FOXP2: variants seen among roughly 807,000 people sequenced by gnomAD.
FOXP2 encodes forkhead box protein P2.
A neutral mutation model predicts 115.8 loss-of-function variants in FOXP2; 12 were observed. The observed-to-expected ratio is 0.10, with a 90% CI of 0.07 to 0.17. The LOEUF is 0.17. Among genes scored for constraint, FOXP2 ranks in the 10% least tolerant of loss-of-function variants. FOXP2 has a pLI of 1.00. For synonymous variants in FOXP2, 328 were observed against 297.7 expected, an observed-to-expected ratio of 1.10 and a Z score of -1.05; for missense variants, 629 against 843.5, an observed-to-expected ratio of 0.75 and a Z score of 3.15.
At position 114,691,477 on chromosome 7, in the gene FOXP2, C is replaced by T; in HGVS notation, c.*1551C>T. 1 of 453,952 alleles carries T rather than the reference C, an allele frequency of 2.2e-6. No homozygotes were observed. The highest frequency in any genetic ancestry group is 4.4e-6 in the Non-Finnish European group (1 of 226,766). The allele number at this position is 453,952 out of a possible 1,614,324, so 28.1% of individuals were successfully genotyped here. Reference sequence around the variant, plus strand: ...GGATATTAACACTAACAATACACTCCCTTCAAAGACTTGCACAGGCCAAAT... The same window carrying T: ...GGATATTAACACTAACAATACACTCTCTTCAAAGACTTGCACAGGCCAAAT... On this transcript the variant is annotated 3_prime_UTR_variant, in exon 17 of 17. Transcript: ENST00000350908.
chr7:114,628,640 C>T lies in FOXP2; in HGVS notation c.359C>T (p.Ala120Val). 1 of 1,614,054 alleles carries T rather than the reference C, an allele frequency of 6.2e-7. No homozygotes were observed. Among genetic ancestry groups the T allele is most frequent in the Non-Finnish European group, 8.5e-7 (1 of 1,179,976 alleles). Reference protein sequence around the residue: ...QQVLSPQQLQALLQQQQAVML... With the variant: ...QQVLSPQQLQVLLQQQQAVML... ...GTCCTGTCTCCTCAGCAGCTACAAG[C>T]CCTTCTCCAACAACAGCAGGCTGTC... The change falls in exon 4 of 17, where the codon GCC becomes GTC. Residue 120 changes from alanine to valine, a missense_variant. Coordinates refer to ENST00000350908, the MANE Select transcript of FOXP2 (RefSeq NM_014491.4).
chr7:114,177,112 T>G (rs1407170897), intron 1 of FOXP2, among the ~76,000 whole-genome samples: 5 of 152,280 alleles, frequency 3.3e-5, no homozygotes, highest in South Asian at 2.1e-4. Flanking sequence ...ATTTTGGTTG[T>G]TTGTTTTCCT....
At chr7:114,416,504 C>T (rs1350945771) in intron 1 of FOXP2, 3 of 144,478 alleles carry the variant, frequency 2.1e-5, no homozygotes, top group Non-Finnish European at 3.0e-5. Flanking sequence ...TACTAGCCTC[C>T]GCGACCAAAA....
At chr7:114,258,519 G>C (rs962485382) in intron 1 of FOXP2, among the ~76,000 whole-genome samples, 8 of 152,114 alleles carry the variant, frequency 5.3e-5, no homozygotes, top group Non-Finnish European at 1.0e-4. Flanking sequence ...ATGACAGAAT[G>C]AAACAAAGGA....
At chr7:114,316,280 A>T (rs1454160542) in intron 2 of FOXP2, among the ~76,000 whole-genome samples, 2 of 152,224 alleles carry the variant, frequency 1.3e-5, no homozygotes, top group Non-Finnish European at 2.9e-5. Flanking sequence ...CTGTGCATAC[A>T]TGTATAATTA....
intron 3 of FOXP2, among the ~76,000 whole-genome samples, chr7:114,572,721 A>T (rs1456430293): frequency 6.6e-6 from 1 of 151,832 alleles, no homozygotes; most frequent in Non-Finnish European, 1.5e-5. Flanking sequence ...TTTGCTCTTT[A>T]TCTAAAACTA....
chr7:114,570,827 A>G, intron 3 of FOXP2: 12 of 1,611,976 alleles, frequency 7.4e-6, no homozygotes, highest in Non-Finnish European at 1.0e-5. Context: ...CAGAAACAAA[A>G]TTATGTATCT....
Position 114,421,084 on chromosome 7 carries a change from A to G in FOXP2, c.-10-5418A>G, listed in dbSNP as rs140686088. Among the ~76,000 whole-genome samples, 15 of 151,816 alleles carry G rather than the reference A, an allele frequency of 9.9e-5. No homozygotes were observed. In the East Asian group the frequency reaches 2.5e-3, roughly 26 times the overall value. ...TACTTCTGAAGGGGGCTTCTGAACT[A>G]TAGATACAGAATCATAATGTTGCAG... On this transcript the variant is annotated intron_variant, in intron 1 of 16. Transcript: ENST00000350908.
intron 2 of FOXP2, among the ~76,000 whole-genome samples, chr7:114,466,365 G>A (rs923349751): frequency 2.0e-5 from 3 of 152,170 alleles, no homozygotes; most frequent in Admixed American, 2.0e-4. Flanking sequence ...TGGCACAACA[G>A]CATTCCAAGA....
intron 2 of FOXP2, among the ~76,000 whole-genome samples, chr7:114,303,781 C>T (rs578239361): frequency 2.5e-4 from 38 of 152,188 alleles, no homozygotes; most frequent in Middle Eastern, 3.4e-3. Context: ...AACTTTGTGA[C>T]TCATTGTGAT....
chr7:114,126,641 C>A (rs1258649672), intron 1 of FOXP2, among the ~76,000 whole-genome samples: 1 of 152,082 alleles, frequency 6.6e-6, no homozygotes, highest in Admixed American at 6.6e-5. Context: ...CATACATAAT[C>A]TTGCAGTGAA....
In FOXP2 at chr7:114,693,164, A is replaced by G. The variant is rs536298282; in HGVS notation, c.*3238A>G. The G allele has an allele frequency of 2.0e-5, 9 of 453,784 alleles. No homozygotes were observed. The highest frequency in any genetic ancestry group is 3.1e-5 in the South Asian group (2 of 64,410). 28.1% of individuals were successfully genotyped at this position (453,784 alleles called of 1,614,324 possible). On this transcript the variant is annotated 3_prime_UTR_variant, in exon 17 of 17. Coordinates refer to ENST00000350908, the MANE Select transcript of FOXP2 (RefSeq NM_014491.4). ...CTATTTGAAAATCAATTAAAATTTT[A>G]TGTGAATGTTACAAGTATTTGGTAG...
At chr7:114,648,219 G>A (rs1262982960) in intron 8 of FOXP2, among the ~76,000 whole-genome samples, 1 of 152,044 alleles carries the variant, frequency 6.6e-6, no homozygotes, top group African/African-American at 2.4e-5. Context: ...ATGACCTCAA[G>A]AAGGCATTCT....
chr7:114,338,748 T>TCACA (rs56411270), intron 2 of FOXP2, among the ~76,000 whole-genome samples: 3,903 of 146,588 alleles, frequency 0.027, 60 homozygotes, highest in African/African-American at 0.029. Flanking sequence ...GTCAAGATGT[T>TCACA]CACACACACA....
intron 3 of FOXP2, among the ~76,000 whole-genome samples, chr7:114,571,370 T>A (rs1326943831): frequency 1.3e-5 from 2 of 151,886 alleles, no homozygotes; most frequent in Non-Finnish European, 2.9e-5. Flanking sequence ...ATTGCTTATG[T>A]GGCCCAATTC....
intron 2 of FOXP2, among the ~76,000 whole-genome samples, chr7:114,495,511 T>G (rs1797275737): frequency 7.4e-6 from 1 of 135,992 alleles, no homozygotes; most frequent in Non-Finnish European, 1.6e-5. Context: ...TTTTTTTTTT[T>G]TTGTTATTGT....
intron 3 of FOXP2, among the ~76,000 whole-genome samples, chr7:114,603,734 A>T (rs1282437037): frequency 2.6e-5 from 4 of 152,304 alleles, no homozygotes; most frequent in African/African-American, 9.6e-5. Flanking sequence ...GCTTACAAAA[A>T]TTTTGATTAT....
At chr7:114,653,510 G>C (rs1289579232) in intron 9 of FOXP2, 1 of 308,974 alleles carries the variant, frequency 3.2e-6, no homozygotes, top group East Asian at 8.2e-5. Flanking sequence ...TGCATGAAGT[G>C]TGTAGACAAT....
intron 2 of FOXP2, among the ~76,000 whole-genome samples, chr7:114,455,103 G>T (rs1179635242): frequency 6.6e-6 from 1 of 151,658 alleles, no homozygotes; most frequent in Admixed American, 6.6e-5. Context: ...GTGTATCTCT[G>T]ACCTTTCCCC....
Sources: allele counts gnomAD v4.1 joint callset (sites outside exome capture counted in the v4.1 genomes callset), GRCh38; gene constraint gnomAD v4.1.1; transcripts MANE v1.5; gene names NCBI Gene and HGNC (gene_info 2026-07-23, HGNC 2026-07-21).